The following SAAL1 variants were observed in gnomAD, a reference collection of about 807,000 sequenced individuals.
SAAL1 encodes serum amyloid A like 1.
SAAL1 carries 42 observed loss-of-function variants against 59.8 expected under a neutral mutation model. That is an observed-to-expected ratio of 0.70 (90% CI 0.55 to 0.91). The LOEUF (loss-of-function observed/expected upper bound fraction) is 0.91, where lower values mean the gene tolerates loss of function less well. SAAL1 is among the 40% of genes least tolerant of loss of function. The pLI, the probability that SAAL1 is intolerant of heterozygous loss-of-function variation, is 0.00. For missense variants in SAAL1, 542 were observed against 561.1 expected (o/e 0.97, Z 0.34); for synonymous variants, 191 against 194.3 (o/e 0.98, Z 0.14).
chr11:18,096,246 G>T (rs1848574607), intron 3 of SAAL1, among the ~76,000 whole-genome samples: 1 of 151,772 alleles, frequency 6.6e-6, no homozygotes, highest in Non-Finnish European at 1.5e-5. Flanking sequence ...AAAATTCTAT[G>T]ATTTTCATAA....
chr11:18,104,710 G>A (rs888747297), intron 1 of SAAL1, among the ~76,000 whole-genome samples: 3 of 152,218 alleles, frequency 2.0e-5, no homozygotes, highest in African/African-American at 7.2e-5. Flanking sequence ...TCAGAGTTAA[G>A]AAAGGGCCTA....
At chr11:18,103,699 C>T (rs1308274306) in intron 1 of SAAL1, among the ~76,000 whole-genome samples, 1 of 152,198 alleles carries the variant, frequency 6.6e-6, no homozygotes, top group African/African-American at 2.4e-5. Context: ...GTACAGGCTC[C>T]AGCCACCCTC....
intron 3 of SAAL1, among the ~76,000 whole-genome samples, chr11:18,094,932 C>T (rs1384293754): frequency 1.3e-5 from 2 of 152,060 alleles, no homozygotes; most frequent in Admixed American, 6.6e-5. Context: ...TAAAAGCTGC[C>T]CAGAGTCTCA....
chr11:18,082,029 T>C (rs988603258), intron 10 of SAAL1, among the ~76,000 whole-genome samples: 1 of 152,210 alleles, frequency 6.6e-6, no homozygotes, highest in Non-Finnish European at 1.5e-5. Flanking sequence ...AAATCTTTAG[T>C]AGTTCCTCAG....
Position 18,090,236 on chromosome 11 carries a change from C to G in SAAL1, c.528G>C (p.Arg176Ser), listed in dbSNP as rs752873058. 3.7e-6 allele frequency: 6 copies of G among 1,610,268 alleles called. No homozygotes were observed. In the South Asian group the frequency reaches 6.7e-5, roughly 18 times the overall value. ...CATAAATAGCTGGATGTTCCTGGAT[C>G]CTTTCAACCCAAACACTGGCCACTT... is the stretch of plus-strand genomic sequence containing the variant. ...QAEVASVWVERIQEHPAIYDS... is the reference protein window; with the variant it reads ...QAEVASVWVESIQEHPAIYDS... The change falls in exon 6 of 12, where the codon AGG becomes AGC. Residue 176 changes from arginine to serine, a missense_variant. Transcript: ENST00000524803.
intron 1 of SAAL1, among the ~76,000 whole-genome samples, chr11:18,105,589 G>C (rs897243353): frequency 6.6e-6 from 1 of 152,156 alleles, no homozygotes; most frequent in African/African-American, 2.4e-5. Context: ...ATGACAGTGG[G>C]GATGGGGAGC....
chr11:18,099,745 A>G (rs368678240), intron 2 of SAAL1, among the ~76,000 whole-genome samples: 26 of 152,234 alleles, frequency 1.7e-4, no homozygotes, highest in African/African-American at 6.0e-4. Flanking sequence ...GCCATAAACA[A>G]TGAGAAGGAT....
chr11:18,092,464 G>A, intron 3 of SAAL1, 140 bp from the exon 4 acceptor site: 1 of 630,556 alleles, frequency 1.6e-6, no homozygotes, highest in Admixed American at 2.8e-5. Context: ...TACATATACT[G>A]CCTGTACCCT....
intron 3 of SAAL1, among the ~76,000 whole-genome samples, chr11:18,094,420 T>C (rs1287763192): frequency 6.6e-6 from 1 of 152,182 alleles, no homozygotes; most frequent in Non-Finnish European, 1.5e-5. Context: ...TGGGGGAATG[T>C]CTTGCAACCA....
At chr11:18,081,690 T>G in intron 10 of SAAL1, 187 bp from the exon 11 acceptor site, 1 of 577,800 alleles carries the variant, frequency 1.7e-6, no homozygotes, top group Non-Finnish European at 3.1e-6. Context: ...GTCTTTACTT[T>G]AGTGAAGGGC....
chr11:18,103,838 A>C (rs1016444522), intron 1 of SAAL1, among the ~76,000 whole-genome samples: 1 of 152,218 alleles, frequency 6.6e-6, no homozygotes, highest in Non-Finnish European at 1.5e-5. Flanking sequence ...GTGCTCAGTA[A>C]GCCTGCCTTA....
chr11:18,087,526 T>C (rs934424741), intron 7 of SAAL1, among the ~76,000 whole-genome samples: 5 of 152,248 alleles, frequency 3.3e-5, no homozygotes, highest in African/African-American at 1.2e-4. Context: ...TGATACTTTA[T>C]CATTTTGGTT....
intron 3 of SAAL1, among the ~76,000 whole-genome samples, chr11:18,095,134 A>G (rs1848559283): frequency 6.6e-6 from 1 of 152,178 alleles, no homozygotes; most frequent in Admixed American, 6.5e-5. Context: ...ATGCGGGGAC[A>G]TGCTTAAGTT....
intron 3 of SAAL1, 144 bp from the exon 4 acceptor site, chr11:18,092,468 G>A (rs751016708): frequency 9.6e-6 from 6 of 625,490 alleles, no homozygotes; most frequent in South Asian, 2.0e-5. Context: ...TATACTGCCT[G>A]TACCCTAACC....
intron 4 of SAAL1, among the ~76,000 whole-genome samples, chr11:18,091,156 T>C (rs953935704): frequency 5.3e-5 from 8 of 152,230 alleles, no homozygotes; most frequent in African/African-American, 1.7e-4. Context: ...TTAAGAGTTA[T>C]CCTGATGCAC....
intron 7 of SAAL1, 121 bp downstream of exon 7, chr11:18,089,209 G>A (rs878950234): frequency 6.1e-6 from 5 of 814,720 alleles, no homozygotes; most frequent in African/African-American, 3.6e-5. Context: ...GTGAATTAAC[G>A]TAACAAGGAG....
At chr11:18,082,452 C>G (rs1218395385) in intron 10 of SAAL1, among the ~76,000 whole-genome samples, 1 of 152,086 alleles carries the variant, frequency 6.6e-6, no homozygotes, top group African/African-American at 2.4e-5. Context: ...ATATAAATAG[C>G]ATTTTGACAA....
In SAAL1 at chr11:18,081,510, C is replaced by T; in HGVS notation, c.1240-7G>A. ...CTCCCTGAGCCACCGTCTCCTAAAA[C>T]AACAACAAGATTTAATGTCAAAAAA... On this transcript the variant is annotated splice_region_variant and splice_polypyrimidine_tract_variant and intron_variant, in intron 10 of 11. Transcript: ENST00000524803. The T allele has an allele frequency of 4.3e-6, 7 of 1,612,622 alleles. No individual in the cohort carries two copies. Among genetic ancestry groups the T allele is most frequent in the Non-Finnish European group, 5.9e-6 (7 of 1,178,812 alleles).
At chr11:18,105,718 C>A (rs780285882) in intron 1 of SAAL1, among the ~76,000 whole-genome samples, 189 bp downstream of exon 1, 7 of 152,146 alleles carry the variant, frequency 4.6e-5, no homozygotes, top group Non-Finnish European at 8.8e-5. Flanking sequence ...CGAGAGACCC[C>A]GAGGGGGCCC....
Sources: gnomAD v4.1 joint callset for allele counts (sites outside exome capture counted in the v4.1 genomes callset) on GRCh38, gnomAD v4.1.1 for gene constraint, MANE v1.5 for transcripts, NCBI Gene and HGNC (gene_info 2026-07-23, HGNC 2026-07-21) for gene names.